The following VNN2 variants were observed in gnomAD, a reference collection of about 807,000 sequenced individuals.
VNN2 encodes the protein vanin 2.
In VNN2, 43 loss-of-function variants were observed where a neutral mutation model predicts 43.0. The ratio of observed to expected loss-of-function variants is 1.00; its 90% CI spans 0.78 to 1.29. The LOEUF (loss-of-function observed/expected upper bound fraction) is 1.29. VNN2 is among the 50% of genes most tolerant of loss of function. The pLI, the probability that VNN2 is intolerant of heterozygous loss-of-function variation, is 0.00. For synonymous variants in VNN2, 230 were observed against 224.3 expected (o/e 1.03, Z -0.23); for missense variants, 652 against 619.7 (o/e 1.05, Z -0.55).
intron 6 of VNN2, among the ~76,000 whole-genome samples, chr6:132,747,576 C>T (rs1008316218): frequency 2.6e-5 from 4 of 152,054 alleles, no homozygotes; most frequent in Non-Finnish European, 4.4e-5. Flanking sequence ...GAGATTGCAC[C>T]ACTGCACTCC....
At chr6:132,758,050 T>A (rs371821845), upstream of VNN2, 6,176 of 501,394 alleles carry the variant, frequency 0.012, 328 homozygotes, top group Middle Eastern at 0.018. Flanking sequence ...TTTTTTTTTT[T>A]TTTTTTTTTT....
Position 132,752,609 on chromosome 6 carries a change from A to G in VNN2, c.678T>C (p.Asp226=). The change falls in exon 4 of 7, where the codon GAT becomes GAC. Residue 226 remains aspartate, a synonymous_variant. Transcript: ENST00000326499. Reference sequence around the variant, plus strand: ...GAAACAGTATGGTGTCCACATGGAAATCTTTCACCAGGGTAACACCAGGAT... The same window carrying G: ...GAAACAGTATGGTGTCCACATGGAAGTCTTTCACCAGGGTAACACCAGGAT... ...FYDPGVTLVK[D]FHVDTILFPT... is the part of the protein sequence containing the mutation. The G allele has an allele frequency of 6.2e-7, 1 of 1,614,188 alleles. No individual in the cohort carries two copies. The highest frequency in any genetic ancestry group is 8.5e-7 in the Non-Finnish European group (1 of 1,180,030).
intron 2 of VNN2, 91 bp from the exon 3 acceptor site, chr6:132,756,126 G>T: frequency 5.0e-6 from 6 of 1,203,836 alleles, no homozygotes; most frequent in South Asian, 1.8e-5. Context: ...CCACTTAAGT[G>T]GAACTTAAGT....
upstream of VNN2, among the ~76,000 whole-genome samples, chr6:132,759,438 CAAAAAAAAA>C (rs58195059): frequency 1.4e-5 from 1 of 69,174 alleles, no homozygotes; most frequent in East Asian, 4.7e-4. Context: ...AACTCCGTCT[CAAAAAAAAA>C]AAAAAAAAAA....
At chr6:132,755,283 A>G (rs1582832719) in intron 3 of VNN2, among the ~76,000 whole-genome samples, 1 of 129,500 alleles carries the variant, frequency 7.7e-6, no homozygotes, top group Non-Finnish European at 1.6e-5. Flanking sequence ...ATCCTGGACC[A>G]TCATGCTACT....
chr6:132,749,378 G>A (rs1779914794), intron 6 of VNN2, among the ~76,000 whole-genome samples: 1 of 152,188 alleles, frequency 6.6e-6, no homozygotes, highest in African/African-American at 2.4e-5. Flanking sequence ...TGAAAGATGA[G>A]AGACCACGGG....
chr6:132,762,068 T>C (rs1211282706), upstream of VNN2, among the ~76,000 whole-genome samples: 1 of 152,212 alleles, frequency 6.6e-6, no homozygotes, highest in Non-Finnish European at 1.5e-5. Flanking sequence ...TCTATTTGGA[T>C]GACCGTGCTG....
rs758306737 is a variant in VNN2, at chr6:132,752,766, G to A, written c.538-17C>T. The A allele has an allele frequency of 1.9e-6, 3 of 1,595,558 alleles. No individual in the cohort carries two copies. The highest frequency in any genetic ancestry group is 2.3e-5 in the South Asian group (2 of 88,412). On this transcript the variant is annotated splice_polypyrimidine_tract_variant and intron_variant, in intron 3 of 6. Coordinates refer to ENST00000326499, the MANE Select transcript of VNN2 (RefSeq NM_004665.6). ...CAGGTGGTACTACAACAAATGGATA[G>A]GAGAAAACCAGTAAAACCTTATTTG...
Position 132,751,133 on chromosome 6 carries a change from A to G in VNN2, c.1200+12T>C. On this transcript the variant is annotated intron_variant, in intron 5 of 6. Coordinates refer to ENST00000326499, the MANE Select transcript of VNN2 (RefSeq NM_004665.6). ...TTTCACTTGAATGCCCTTTCATTTG[A>G]ACTGAAATTACCTGCCAGTACTCTC... The G allele has an allele frequency of 6.4e-7, 1 of 1,558,360 alleles. No homozygotes were observed. The highest frequency in any genetic ancestry group is 2.3e-5 in the East Asian group (1 of 44,250).
In VNN2 at chr6:132,752,698, C is replaced by G. The variant is rs779494094; in HGVS notation, c.589G>C (p.Val197Leu). The change falls in exon 4 of 7, where the codon GTG (valine) becomes CTG (leucine). Residue 197 changes from valine (V) to leucine (L), a missense_variant. Transcript: ENST00000326499. ...QFNVPEKPEL[V>L]TFNTAFGRFG... is the part of the protein sequence containing the mutation. Reference sequence around the variant, plus strand: ...CTTCCAAATGCGGTGTTGAAAGTCACCAACTCCGGCTTTTCAGGGACATTA... The same window carrying G: ...CTTCCAAATGCGGTGTTGAAAGTCAGCAACTCCGGCTTTTCAGGGACATTA... 1.2e-6 allele frequency: 2 copies of G among 1,614,028 alleles called. No individual in the cohort carries two copies. The highest frequency in any genetic ancestry group is 2.2e-5 in the East Asian group (1 of 44,900).
upstream of VNN2, chr6:132,758,000 T>TTTCTTCCTCTTC (rs1780594599): frequency 3.0e-6 from 1 of 336,124 alleles, no homozygotes; most frequent in African/African-American, 3.6e-5. Flanking sequence ...TATCATCATT[T>TTTCTTCCTCTTC]TTCTTCTTCT....
In VNN2 at chr6:132,751,220, T is replaced by C. The variant is rs1197284896; in HGVS notation, c.1125A>G (p.Gln375=). ...GAACGTATACTTCATTCTCTTCTTT[T>C]TGTAACATTCTGTAGCTTAAATGAC... ...LCCHLSYRML[Q]KEENEVYVLG... Residue 375 remains glutamine (Q), a synonymous_variant, in exon 5 of 7, where the codon CAA becomes CAG. Coordinates refer to ENST00000326499, the MANE Select transcript of VNN2 (RefSeq NM_004665.6). The C allele has an allele frequency of 6.2e-7, 1 of 1,614,202 alleles. No homozygotes were observed. Among genetic ancestry groups the C allele is most frequent in the South Asian group, 1.1e-5 (1 of 91,084 alleles).
At chr6:132,751,957 C>T (rs1045879665) in intron 4 of VNN2, among the ~76,000 whole-genome samples, 1 of 152,162 alleles carries the variant, frequency 6.6e-6, no homozygotes, top group African/African-American at 2.4e-5. Flanking sequence ...TAGTGACTCA[C>T]TTCCAATGAA....
At chr6:132,745,654 G>C (rs1421206583) in intron 6 of VNN2, among the ~76,000 whole-genome samples, 1 of 152,222 alleles carries the variant, frequency 6.6e-6, no homozygotes, top group Non-Finnish European at 1.5e-5. Flanking sequence ...CCACTGGCTA[G>C]CGCTGAAGAT....
chr6:132,751,529 A>C lies in VNN2; in HGVS notation c.827-11T>G. On this transcript the variant is annotated splice_polypyrimidine_tract_variant and intron_variant, in intron 4 of 6. Coordinates refer to ENST00000326499, the MANE Select transcript of VNN2 (RefSeq NM_004665.6). ...CATAAATACCACTTCCTGTGAATGA[A>C]AGACAAGTCTTCTAAAAACAACACC... is the stretch of plus-strand genomic sequence containing the variant. The C allele has an allele frequency of 6.3e-7, 1 of 1,590,002 alleles. No individual in the cohort carries two copies. The highest frequency in any genetic ancestry group is 8.6e-7 in the Non-Finnish European group (1 of 1,168,554).
intron 3 of VNN2, chr6:132,753,417 C>A (rs1024982688): frequency 2.3e-6 from 1 of 434,252 alleles, no homozygotes; most frequent in South Asian, 1.6e-5. Context: ...ATAATAAATA[C>A]CTGTAAGTCA....
At position 132,752,334 on chromosome 6, in the gene VNN2, A is replaced by G. The variant is rs548514846; in HGVS notation, c.826+127T>C. ...AATCAAGTGCTAGCTTTTTTTTTCT[A>G]TTGTGAAACTATGACAAACACAGTA... is the stretch of plus-strand genomic sequence containing the variant. On this transcript the variant is annotated intron_variant, in intron 4 of 6. Coordinates refer to ENST00000326499, the MANE Select transcript of VNN2 (RefSeq NM_004665.6). The G allele has an allele frequency of 2.2e-5, 24 of 1,114,900 alleles. No individual in the cohort carries two copies. The South Asian group carries it at 3.2e-4, about 15-fold the overall frequency. The allele number at this position is 1,114,900 out of a possible 1,614,324, so 69.1% of individuals were successfully genotyped here. A position where few individuals can be genotyped will look rare whatever the true frequency, so the allele number is the denominator to read the frequency against.
At chr6:132,752,388 C>A in intron 4 of VNN2, 73 bp downstream of exon 4, 1 of 1,480,900 alleles carries the variant, frequency 6.8e-7, no homozygotes, top group South Asian at 1.4e-5. Flanking sequence ...AAAATTAATA[C>A]AAGTCATAAC....
At chr6:132,746,491 T>C (rs981059687) in intron 6 of VNN2, among the ~76,000 whole-genome samples, 5 of 152,188 alleles carry the variant, frequency 3.3e-5, no homozygotes, top group Non-Finnish European at 7.3e-5. Context: ...GGCCATGCCC[T>C]GCAAGGTCTC....
Sources: allele counts gnomAD v4.1 joint callset (sites outside exome capture counted in the v4.1 genomes callset), GRCh38; gene constraint gnomAD v4.1.1; transcripts MANE v1.5; gene names NCBI Gene and HGNC (gene_info 2026-07-23, HGNC 2026-07-21).